The following PKHD1 variants were observed in gnomAD, a reference collection of about 807,000 sequenced individuals.
PKHD1 encodes PKHD1 ciliary IPT domain containing fibrocystin/polyductin, also known as fibrocystin.
PKHD1 carries 291 observed loss-of-function variants against 412.0 expected under a neutral mutation model. The ratio of observed to expected loss-of-function variants is 0.71; its 90% CI spans 0.64 to 0.78. PKHD1 has a LOEUF of 0.78. Ranked by LOEUF, PKHD1 falls within the 30% of genes least tolerant of loss-of-function variation. The probability of loss-of-function intolerance (pLI) is 0.00; values close to 1 mark genes in which losing one functional copy is unlikely to be tolerated. For synonymous variants in PKHD1, 1,777 were observed against 1,821.5 expected (o/e 0.98, Z 0.62); for missense variants, 4,825 against 4,950.7 (o/e 0.97, Z 0.76).
At chr6:51,816,750 A>G (rs1765523215) in intron 52 of PKHD1, among the ~76,000 whole-genome samples, 1 of 152,144 alleles carries the variant, frequency 6.6e-6, no homozygotes, top group South Asian at 2.1e-4. Flanking sequence ...TATTTTCTGT[A>G]TATCACTTTC....
intron 35 of PKHD1, among the ~76,000 whole-genome samples, chr6:51,989,785 T>A (rs1796650504): frequency 6.7e-6 from 1 of 148,950 alleles, no homozygotes; most frequent in African/African-American, 2.5e-5. Flanking sequence ...TATACAGCTA[T>A]ATCTGCTGAA....
chr6:51,749,892 G>C (rs765047351), intron 57 of PKHD1, among the ~76,000 whole-genome samples: 19 of 152,208 alleles, frequency 1.2e-4, no homozygotes, highest in Non-Finnish European at 2.6e-4. Context: ...CACAACTTTG[G>C]CTCCTTTTAT....
intron 40 of PKHD1, among the ~76,000 whole-genome samples, chr6:51,906,590 T>G (rs537960715): frequency 3.3e-5 from 5 of 151,390 alleles, no homozygotes; most frequent in African/African-American, 1.2e-4. Context: ...AGACAAAGTA[T>G]GTCTAAACAA....
At position 51,913,364 on chromosome 6, in the gene PKHD1, G is replaced by A. The variant is rs966755596; in HGVS notation, c.6122-788C>T. Among the ~76,000 whole-genome samples, 6 of 152,022 alleles carry A rather than the reference G, an allele frequency of 3.9e-5. No homozygotes were observed. In the East Asian group the frequency reaches 1.2e-3, roughly 29 times the overall value. The stretch of plus-strand genomic sequence containing the variant: ...TTGTGGTTCAAGATAAACTTTGTTT[G>A]TATTACACTCCAGCATACCCGCCTG... On this transcript the variant is annotated intron_variant, in intron 37 of 66. Coordinates refer to ENST00000371117, the MANE Select transcript of PKHD1 (RefSeq NM_138694.4).
At chr6:52,044,875 G>C (rs1258640514) in intron 25 of PKHD1, 91 bp downstream of exon 25, 2 of 1,448,032 alleles carry the variant, frequency 1.4e-6, no homozygotes, top group Non-Finnish European at 1.9e-6. Context: ...ACCCTTAAGA[G>C]CTAAATCAAT....
chr6:51,899,443 A>C (rs1266785816), intron 43 of PKHD1, among the ~76,000 whole-genome samples: 1 of 152,152 alleles, frequency 6.6e-6, no homozygotes, highest in Non-Finnish European at 1.5e-5. Context: ...AGATGCAGAA[A>C]AGGCCTTTGA....
intron 60 of PKHD1, among the ~76,000 whole-genome samples, chr6:51,688,654 T>C (rs1297380255): frequency 2.0e-5 from 3 of 151,840 alleles, no homozygotes. Flanking sequence ...AAGGGGGATA[T>C]CACCACGGAC....
At chr6:51,951,705 C>T (rs749761285) in intron 36 of PKHD1, among the ~76,000 whole-genome samples, 8 of 152,106 alleles carry the variant, frequency 5.3e-5, no homozygotes, top group Non-Finnish European at 1.2e-4. Flanking sequence ...ATGCTCAGTC[C>T]CCAACATATT....
At chr6:51,927,867 C>G (rs758114030) in intron 37 of PKHD1, among the ~76,000 whole-genome samples, 26 of 152,080 alleles carry the variant, frequency 1.7e-4, no homozygotes, top group Non-Finnish European at 3.5e-4. Flanking sequence ...CCAAGACCAA[C>G]CCCCAAGGTG....
At chr6:51,954,770 C>T (rs2127911781) in intron 36 of PKHD1, among the ~76,000 whole-genome samples, 1 of 152,178 alleles carries the variant, frequency 6.6e-6, no homozygotes, top group South Asian at 2.1e-4. Flanking sequence ...GGAGTACCTA[C>T]ACCTAACAGC....
At chr6:51,708,609 C>G (rs773810237) in intron 60 of PKHD1, among the ~76,000 whole-genome samples, 15 of 152,306 alleles carry the variant, frequency 9.8e-5, no homozygotes, top group Middle Eastern at 3.4e-3. Flanking sequence ...GGTTGGACTT[C>G]TTTTCATTTG....
At chr6:52,077,341 G>A (rs1811466821) in intron 5 of PKHD1, among the ~76,000 whole-genome samples, 1 of 152,134 alleles carries the variant, frequency 6.6e-6, no homozygotes, top group Non-Finnish European at 1.5e-5. Flanking sequence ...AGGATGAACT[G>A]GCCAGACCAA....
intron 60 of PKHD1, among the ~76,000 whole-genome samples, chr6:51,677,999 T>G (rs1309337222): frequency 6.6e-6 from 1 of 152,192 alleles, no homozygotes; most frequent in East Asian, 1.9e-4. Flanking sequence ...AGAAAGTGTT[T>G]TTGTATTTTC....
At chr6:51,891,200 C>G (rs1779060770) in intron 43 of PKHD1, among the ~76,000 whole-genome samples, 1 of 152,134 alleles carries the variant, frequency 6.6e-6, no homozygotes, top group Non-Finnish European at 1.5e-5. Flanking sequence ...TTCAGTCATT[C>G]TAGACTAATA....
chr6:52,010,096 C>T (rs1269357424), intron 35 of PKHD1, among the ~76,000 whole-genome samples: 2 of 151,874 alleles, frequency 1.3e-5, no homozygotes, highest in Non-Finnish European at 2.9e-5. Flanking sequence ...TGAAAGAGCC[C>T]GGGCAACACT....
intron 34 of PKHD1, among the ~76,000 whole-genome samples, chr6:52,013,839 A>G (rs1800107877): frequency 6.6e-6 from 1 of 152,322 alleles, no homozygotes; most frequent in East Asian, 1.9e-4. Context: ...TCCTTAGGAT[A>G]GGTAGGGAAA....
At chr6:51,919,904 G>A (rs1240124490) in intron 37 of PKHD1, among the ~76,000 whole-genome samples, 1 of 152,166 alleles carries the variant, frequency 6.6e-6, no homozygotes, top group Non-Finnish European at 1.5e-5. Flanking sequence ...TTGTGAATGG[G>A]AGTTCACTCA....
At chr6:51,968,820 G>T (rs1793230174) in intron 35 of PKHD1, among the ~76,000 whole-genome samples, 1 of 152,112 alleles carries the variant, frequency 6.6e-6, no homozygotes, top group Non-Finnish European at 1.5e-5. Context: ...CTTTCACAAA[G>T]GCTGAGTCTA....
intron 65 of PKHD1, among the ~76,000 whole-genome samples, chr6:51,631,205 G>C (rs1282657377): frequency 2.6e-5 from 4 of 152,208 alleles, no homozygotes; most frequent in Non-Finnish European, 5.9e-5. Flanking sequence ...AAAAATTTAT[G>C]AAAATTCTAC....
Sources: gnomAD v4.1 joint callset for allele counts (sites outside exome capture counted in the v4.1 genomes callset) on GRCh38, gnomAD v4.1.1 for gene constraint, MANE v1.5 for transcripts, NCBI Gene and HGNC (gene_info 2026-07-23, HGNC 2026-07-21) for gene names.